The following ZHX3 variants were observed in gnomAD, a reference collection of about 807,000 sequenced individuals.
ZHX3 encodes the protein zinc fingers and homeoboxes 3, also known as zinc fingers and homeoboxes protein 3.
ZHX3 carries 20 observed loss-of-function variants against 64.5 expected under a neutral mutation model. The observed-to-expected ratio is 0.31, with a 90% CI of 0.22 to 0.45. The LOEUF (loss-of-function observed/expected upper bound fraction) is 0.45, where lower values mean the gene tolerates loss of function less well. ZHX3 is among the 20% of genes least tolerant of loss of function. ZHX3 has a pLI of 1.00. For missense variants in ZHX3, 1,041 were observed against 1,195.8 expected (o/e 0.87, Z 1.91); for synonymous variants, 423 against 461.6 (o/e 0.92, Z 1.07).
At chr20:41,251,113 G>A (rs558552531) in intron 2 of ZHX3, among the ~76,000 whole-genome samples, 74 of 152,220 alleles carry the variant, frequency 4.9e-4, no homozygotes, top group African/African-American at 1.7e-3. Context: ...GAATTCTGAA[G>A]CATCAAAAGG....
rs757231446 is a variant in ZHX3 at position 41,185,063 on chromosome 20, G to A, written c.*128C>T. The A allele has an allele frequency of 6.4e-7, 1 of 1,553,704 alleles. No homozygotes were observed. The highest frequency in any genetic ancestry group is 8.7e-7 in the Non-Finnish European group (1 of 1,147,802). On this transcript the variant is annotated 3_prime_UTR_variant, in exon 4 of 4. Transcript: ENST00000683867. This position sits in a 1 kb window ranked among gnomAD's most constrained non-coding sequence, Gnocchi z 5.0. ...CTCTGGGCTGTCTGCGAGGATTCTG[G>A]AAGCTCTCCCAGGTGCCCAGCAGCC...
chr20:41,265,507 G>A (rs750128688), intron 2 of ZHX3, among the ~76,000 whole-genome samples: 6 of 152,012 alleles, frequency 3.9e-5, no homozygotes, highest in Non-Finnish European at 5.9e-5. Flanking sequence ...CGGCCGTTAC[G>A]ATAAATTTAA....
intron 1 of ZHX3, among the ~76,000 whole-genome samples, chr20:41,294,191 T>A (rs578170419): frequency 6.6e-5 from 10 of 152,202 alleles, no homozygotes; most frequent in Non-Finnish European, 1.5e-4. Flanking sequence ...ATGCTTGGGG[T>A]CAATGACATT....
At chr20:41,293,066 T>C (rs1037598804) in intron 1 of ZHX3, among the ~76,000 whole-genome samples, 6 of 152,188 alleles carry the variant, frequency 3.9e-5, no homozygotes, top group Non-Finnish European at 7.3e-5. Flanking sequence ...CGGCATCAGA[T>C]AGTATCTGCT....
At chr20:41,297,131 T>C (rs570053402) in intron 1 of ZHX3, among the ~76,000 whole-genome samples, 1 of 152,342 alleles carries the variant, frequency 6.6e-6, no homozygotes, top group African/African-American at 2.4e-5. Context: ...AATTCCAGAA[T>C]CATTTATATC....
intron 1 of ZHX3, among the ~76,000 whole-genome samples, chr20:41,280,039 C>T (rs1393518336): frequency 6.6e-6 from 1 of 152,142 alleles, no homozygotes; most frequent in Non-Finnish European, 1.5e-5. Flanking sequence ...GGGGGAACCA[C>T]CCACACAGGC....
At chr20:41,239,128 G>A (rs954442777) in intron 2 of ZHX3, among the ~76,000 whole-genome samples, 2 of 148,634 alleles carry the variant, frequency 1.3e-5, no homozygotes, top group African/African-American at 2.5e-5. Context: ...TCAGCCTCCC[G>A]AGTAGCTGGG....
intron 2 of ZHX3, among the ~76,000 whole-genome samples, chr20:41,242,414 G>T (rs192140828): frequency 1.3e-5 from 2 of 152,308 alleles, no homozygotes; most frequent in Admixed American, 1.3e-4. Flanking sequence ...TCCATTAAGG[G>T]TGAGGAGTAG....
intron 2 of ZHX3, among the ~76,000 whole-genome samples, chr20:41,251,461 A>G (rs2041988973): frequency 6.6e-6 from 1 of 152,212 alleles, no homozygotes. Flanking sequence ...TAAAAAAACT[A>G]TTAGAAAGTC....
intron 2 of ZHX3, among the ~76,000 whole-genome samples, chr20:41,259,360 C>T (rs1305436754): frequency 1.3e-5 from 2 of 152,204 alleles, no homozygotes; most frequent in Non-Finnish European, 2.9e-5. Context: ...CTATTTATCA[C>T]CTTTGATCCA....
In ZHX3 at chr20:41,178,847, T is replaced by C. The variant is rs1235256920; in HGVS notation, c.*6344A>G. Reference sequence around the variant, plus strand: ...AGGAGATGGGACCCTCTTGCAGAGTTTGGCTAAAGTTTCATTGTGCCTCAA... The same window carrying C: ...AGGAGATGGGACCCTCTTGCAGAGTCTGGCTAAAGTTTCATTGTGCCTCAA... On this transcript the variant is annotated 3_prime_UTR_variant, in exon 4 of 4. Transcript: ENST00000683867. 1 of 152,672 alleles carries C rather than the reference T, an allele frequency of 6.5e-6. No homozygotes were observed. Among genetic ancestry groups the C allele is most frequent in the East Asian group, 1.9e-4 (1 of 5,200 alleles). The allele number at this position is 152,672 out of a possible 1,614,324, so 9.5% of individuals were successfully genotyped here.
At chr20:41,258,136 G>C (rs2042365749) in intron 2 of ZHX3, among the ~76,000 whole-genome samples, 1 of 152,018 alleles carries the variant, frequency 6.6e-6, no homozygotes, top group Non-Finnish European at 1.5e-5. Context: ...CTGACCTCAG[G>C]TGATCCACCC....
rs1369725721 is a variant in ZHX3, at chr20:41,202,372, G to C, written c.2545C>G (p.Leu849Val). ...TGTGTCATGTAATAGTCCTGCAGGA[G>C]CTCCCGGTTGCCAGGGGCAATGACC... is the stretch of plus-strand genomic sequence containing the variant. ...LLVIAPGNRE[L>V]LQDYYMTHKM... The change falls in exon 3 of 4, where the codon CTC becomes GTC. Residue 849 changes from leucine (L) to valine (V), a missense_variant. Physicochemically the swap from Leu to Val is conservative, Grantham distance 32. Around this residue, in one of 4 missense-constraint regions of ZHX3, gnomAD observed 649 missense variants for 739.8 expected, o/e 0.88. Coordinates refer to ENST00000683867, the MANE Select transcript of ZHX3 (RefSeq NM_001384317.1). The surrounding 1 kb of genome is among the most constrained non-coding windows in gnomAD (Gnocchi z 7.0). 1 of 1,614,222 alleles carries C rather than the reference G, an allele frequency of 6.2e-7. No homozygotes were observed. The highest frequency in any genetic ancestry group is 1.7e-5 in the Admixed American group (1 of 60,016).
At chr20:41,315,852 T>C (rs2045273064) in intron 1 of ZHX3, among the ~76,000 whole-genome samples, 1 of 152,146 alleles carries the variant, frequency 6.6e-6, no homozygotes, top group African/African-American at 2.4e-5. Flanking sequence ...TGTGGGATTA[T>C]GGGGTTTTTT....
chr20:41,246,470 A>C (rs2041693510), intron 2 of ZHX3, among the ~76,000 whole-genome samples: 1 of 152,214 alleles, frequency 6.6e-6, no homozygotes, highest in South Asian at 2.1e-4. Flanking sequence ...AATTCTTCTA[A>C]AATGGTGAGA....
chr20:41,243,550 A>G (rs933478929), intron 2 of ZHX3, among the ~76,000 whole-genome samples: 59 of 152,196 alleles, frequency 3.9e-4, no homozygotes, highest in African/African-American at 1.4e-3. Context: ...CAGGAAAGTT[A>G]TATCTTTTGT....
At position 41,201,147 on chromosome 20, in the gene ZHX3, C is replaced by T. The variant is rs570470953; in HGVS notation, c.2860+910G>A. ...GAGGCAGCTCATGCCAAAGTCACCA[C>T]GGAACCATCACATTGCCCAACACCA... On this transcript the variant is annotated intron_variant, in intron 3 of 3. Transcript: ENST00000683867. This position sits in a 1 kb window ranked among gnomAD's most constrained non-coding sequence, Gnocchi z 5.0. 7 of 513,190 alleles carry T rather than the reference C, an allele frequency of 1.4e-5. No individual in the cohort carries two copies. In the East Asian group the frequency reaches 2.4e-4, roughly 18 times the overall value. The allele number at this position is 513,190 out of a possible 1,614,324, so 31.8% of individuals were successfully genotyped here. A position where few individuals can be genotyped will look rare whatever the true frequency, so the allele number is the denominator to read the frequency against.
chr20:41,285,041 T>C (rs541423857), intron 1 of ZHX3, among the ~76,000 whole-genome samples: 1 of 152,290 alleles, frequency 6.6e-6, no homozygotes, highest in East Asian at 1.9e-4. Flanking sequence ...CTTCTTTCTC[T>C]AAGAAGCTTT....
At position 41,204,570 on chromosome 20, in the gene ZHX3, A is replaced by G. The variant is rs376415100; in HGVS notation, c.347T>C (p.Phe116Ser). The part of the protein sequence containing the change: ...DPTFVCSGCS[F>S]LAKTPEGLSL... ...AAGCCCCTCAGGGGTTTTTGCCAGAAAACTGCACCCACTGCATACAAAGGT... is the reference window on the plus strand; with the variant it reads ...AAGCCCCTCAGGGGTTTTTGCCAGAGAACTGCACCCACTGCATACAAAGGT... The change falls in exon 3 of 4, where the codon TTT becomes TCT. Residue 116 changes from phenylalanine to serine, a missense_variant. Physicochemically the swap from Phe to Ser is radical, Grantham distance 155. This residue lies in a region of ZHX3 where 358 missense variants were observed against 369.1 expected (regional missense o/e 0.97). Coordinates refer to ENST00000683867, the MANE Select transcript of ZHX3 (RefSeq NM_001384317.1). This position sits in a 1 kb window ranked among gnomAD's most constrained non-coding sequence, Gnocchi z 6.6. 1.0e-4 allele frequency: 169 copies of G among 1,614,240 alleles called. No individual in the cohort carries two copies. Among genetic ancestry groups the G allele is most frequent in the Non-Finnish European group, 1.4e-4 (164 of 1,180,046 alleles).
Sources: allele counts gnomAD v4.1 joint callset (sites outside exome capture counted in the v4.1 genomes callset), GRCh38; gene constraint gnomAD v4.1.1; regional missense constraint gnomAD v4.1.1; non-coding constraint Gnocchi (gnomAD v3.1); transcripts MANE v1.5; gene names NCBI Gene and HGNC (gene_info 2026-07-23, HGNC 2026-07-21).